NTM: variants seen among roughly 807,000 people sequenced by gnomAD.
NTM encodes the protein IgLON family member 2.
A neutral mutation model predicts 42.1 loss-of-function variants in NTM; 13 were observed. That is an observed-to-expected ratio of 0.31 (90% CI 0.20 to 0.49). NTM has a LOEUF of 0.49. Ranked by LOEUF, NTM falls within the 20% of genes least tolerant of loss-of-function variation. The pLI is 0.99. For missense variants in NTM, 373 were observed against 452.8 expected, an observed-to-expected ratio of 0.82 and a Z score of 1.60; for synonymous variants, 187 against 179.2, an observed-to-expected ratio of 1.04 and a Z score of -0.35.
At chr11:132,158,043 G>A (rs1397673682) in intron 3 of NTM, among the ~76,000 whole-genome samples, 7 of 152,146 alleles carry the variant, frequency 4.6e-5, no homozygotes, top group African/African-American at 7.2e-5. Flanking sequence ...ATTCCCTATC[G>A]TCTGTTCTCC....
rs373650465 is a variant in NTM at position 131,918,136 on chromosome 11, TAATC to T, written c.167+6490_167+6493del. ...GTTTTACAGATAGTGGAAGTAGTGA[TAATC>T]AGTCTTGCGTAAGGAGGCCTTCCAG... On this transcript the variant is annotated intron_variant, in intron 2 of 8. Transcript: ENST00000683400. Among the ~76,000 whole-genome samples, 159 of 152,266 alleles carry T rather than the reference TAATC, an allele frequency of 1.0e-3. 3 individuals are homozygous for T. The East Asian group carries it at 0.024, about 23-fold the overall frequency.
chr11:131,514,923 G>A (rs1342515767), intron 1 of NTM, among the ~76,000 whole-genome samples: 2 of 151,556 alleles, frequency 1.3e-5, no homozygotes, highest in African/African-American at 4.9e-5. Flanking sequence ...AAAGAGAGAG[G>A]GAGAGAGACA....
intron 4 of NTM, among the ~76,000 whole-genome samples, chr11:132,221,378 T>C (rs1469486925): frequency 6.6e-6 from 1 of 152,146 alleles, no homozygotes; most frequent in East Asian, 1.9e-4. Context: ...ACTTAATATG[T>C]TTTTCCATTT....
chr11:132,083,634 T>A (rs1204047919), intron 2 of NTM, among the ~76,000 whole-genome samples: 1 of 151,540 alleles, frequency 6.6e-6, no homozygotes, highest in Non-Finnish European at 1.5e-5. Context: ...GTAGACAAGG[T>A]ATGAGGCCAA....
chr11:132,315,603 TAATTTGCAAGAACAC>T (rs1299843197), intron 7 of NTM, among the ~76,000 whole-genome samples: 16 of 152,352 alleles, frequency 1.1e-4, no homozygotes, highest in African/African-American at 2.9e-4. Context: ...ATTTGACAGA[TAATTTGCAAGAACAC>T]AAATTCCTTA....
chr11:131,690,537 C>T (rs1351319952), intron 1 of NTM, among the ~76,000 whole-genome samples: 2 of 152,250 alleles, frequency 1.3e-5, no homozygotes, highest in Admixed American at 6.5e-5. Context: ...GGGGACTCCA[C>T]GCTTACCCGG....
chr11:132,146,374 G>A lies in NTM; in HGVS notation c.260G>A (p.Arg87His). 6.2e-7 allele frequency: 1 copy of A among 1,614,158 alleles called. No homozygotes were observed. The highest frequency in any genetic ancestry group is 8.5e-7 in the Non-Finnish European group (1 of 1,180,042). Reference protein sequence around the residue: ...AGNDKWCLDPRVVLLSNTQTQ... With the variant: ...AGNDKWCLDPHVVLLSNTQTQ... ...AATGACAAGTGGTGCCTGGATCCTCGCGTGGTCCTTCTGAGCAACACCCAA... is the reference window on the plus strand; with the variant it reads ...AATGACAAGTGGTGCCTGGATCCTCACGTGGTCCTTCTGAGCAACACCCAA... The change falls in exon 3 of 9, where the codon CGC becomes CAC. Residue 87 changes from arginine to histidine, a missense_variant. By Grantham distance (29) the Arg-to-His change is conservative. Transcript: ENST00000683400. The surrounding 1 kb of genome is among the most constrained non-coding windows in gnomAD (Gnocchi z 4.5).
At chr11:131,476,874 G>A (rs1395404945) in intron 1 of NTM, among the ~76,000 whole-genome samples, 1 of 151,234 alleles carries the variant, frequency 6.6e-6, no homozygotes, top group Non-Finnish European at 1.5e-5. Flanking sequence ...TTATGATGAC[G>A]TCCAGCCTTC....
At chr11:131,709,690 T>C (rs1247438139) in intron 1 of NTM, among the ~76,000 whole-genome samples, 1 of 152,206 alleles carries the variant, frequency 6.6e-6, no homozygotes, top group Non-Finnish European at 1.5e-5. Context: ...AGGGCAGGTG[T>C]CTTGCACAGG....
At chr11:132,193,771 T>A (rs2079695504) in intron 3 of NTM, among the ~76,000 whole-genome samples, 1 of 151,810 alleles carries the variant, frequency 6.6e-6, no homozygotes, top group African/African-American at 2.4e-5. Flanking sequence ...CCATCAGAAA[T>A]GACAAAGGTG....
intron 2 of NTM, among the ~76,000 whole-genome samples, chr11:131,996,406 A>G (rs1303905704): frequency 6.6e-6 from 1 of 152,196 alleles, no homozygotes; most frequent in African/African-American, 2.4e-5. Flanking sequence ...AGATGTCTGT[A>G]TCTGAAATGT....
chr11:131,571,279 T>C (rs1054090059), intron 1 of NTM, among the ~76,000 whole-genome samples: 4 of 152,224 alleles, frequency 2.6e-5, no homozygotes, highest in African/African-American at 4.8e-5. Context: ...GCTGCTCACT[T>C]GGTCTGAAAG....
At chr11:132,237,777 G>A (rs2089333248) in intron 4 of NTM, among the ~76,000 whole-genome samples, 2 of 152,282 alleles carry the variant, frequency 1.3e-5, no homozygotes, top group Admixed American at 1.3e-4. Context: ...ATCTGGGCGC[G>A]CAGAGAGATT....
At chr11:132,045,617 C>T (rs1462480841) in intron 2 of NTM, among the ~76,000 whole-genome samples, 3 of 152,118 alleles carry the variant, frequency 2.0e-5, no homozygotes, top group African/African-American at 4.8e-5. Context: ...TTAATCCAAC[C>T]AGAAAGGTAC....
intron 1 of NTM, among the ~76,000 whole-genome samples, chr11:131,733,460 TTCTTTCC>T: frequency 3.5e-5 from 4 of 112,886 alleles, no homozygotes; most frequent in Non-Finnish European, 7.1e-5. Context: ...CCTTCCTTCC[TTCTTTCC>T]TTCCTTCCTT....
At chr11:131,965,805 G>T (rs1264152841) in intron 2 of NTM, among the ~76,000 whole-genome samples, 1 of 152,158 alleles carries the variant, frequency 6.6e-6, no homozygotes, top group Non-Finnish European at 1.5e-5. Flanking sequence ...TGAAGGTGAG[G>T]ACTGTGTCTG....
intron 4 of NTM, among the ~76,000 whole-genome samples, chr11:132,269,299 A>G (rs944619667): frequency 9.2e-5 from 14 of 152,350 alleles, no homozygotes; most frequent in African/African-American, 3.4e-4. Context: ...TTGTTTTTAA[A>G]TAAGTTACCA....
intron 1 of NTM, among the ~76,000 whole-genome samples, chr11:131,587,533 T>C (rs1028076974): frequency 6.6e-6 from 1 of 152,182 alleles, no homozygotes; most frequent in Admixed American, 6.5e-5. Context: ...ATTCAAATTA[T>C]TAAATACAAT....
At chr11:131,840,444 AGAG>A (rs1284536434) in intron 1 of NTM, among the ~76,000 whole-genome samples, 1 of 152,180 alleles carries the variant, frequency 6.6e-6, no homozygotes, top group Non-Finnish European at 1.5e-5. Context: ...GGACCAAGTA[AGAG>A]GAGGTCTGAG....
Sources: gnomAD v4.1 joint callset for allele counts (sites outside exome capture counted in the v4.1 genomes callset) on GRCh38, gnomAD v4.1.1 for gene constraint, Gnocchi (gnomAD v3.1) non-coding constraint, MANE v1.5 for transcripts, NCBI Gene and HGNC (gene_info 2026-07-23, HGNC 2026-07-21) for gene names.